Variants in PLCG2 observed in about 807,000 individuals in gnomAD.
The protein encoded by PLCG2 is phospholipase C gamma 2.
PLCG2 carries 69 observed loss-of-function variants against 175.6 expected under a neutral mutation model. The observed-to-expected ratio is 0.39, with a 90% CI of 0.32 to 0.48. PLCG2 has a LOEUF of 0.48. PLCG2 is among the 20% of genes least tolerant of loss of function. PLCG2 has a pLI of 0.91. For synonymous variants in PLCG2, 827 were observed against 624.0 expected, an observed-to-expected ratio of 1.33 and a Z score of -4.85; for missense variants, 1,798 against 1,650.9, an observed-to-expected ratio of 1.09 and a Z score of -1.54.
intron 6 of PLCG2, 58 bp downstream of exon 6, chr16:81,869,356 C>T (rs767271565): frequency 3.2e-6 from 4 of 1,255,678 alleles, no homozygotes; most frequent in Non-Finnish European, 4.7e-6. Context: ...TAGCCTCTCT[C>T]ATGAAGCCGT....
chr16:81,902,282 C>T (rs983127623), intron 14 of PLCG2, among the ~76,000 whole-genome samples: 1 of 152,186 alleles, frequency 6.6e-6, no homozygotes, highest in Non-Finnish European at 1.5e-5. Flanking sequence ...GTATTTCAGT[C>T]TGTTCCTGCA....
intron 13 of PLCG2, among the ~76,000 whole-genome samples, chr16:81,896,307 C>G (rs1247888735): frequency 6.6e-6 from 1 of 151,394 alleles, no homozygotes; most frequent in Non-Finnish European, 1.5e-5. Flanking sequence ...GGTGTGATCA[C>G]TGAGGTCAGG....
chr16:81,827,044 C>T (rs1178348009), intron 2 of PLCG2, among the ~76,000 whole-genome samples: 1 of 152,192 alleles, frequency 6.6e-6, no homozygotes, highest in Non-Finnish European at 1.5e-5. Context: ...TCATGTTTTG[C>T]AGATTCCTAA....
At chr16:81,770,370 CAAG>C (rs1567454716) in intron 2 of PLCG2, among the ~76,000 whole-genome samples, 1 of 152,162 alleles carries the variant, frequency 6.6e-6, no homozygotes. Context: ...AAAACAATGA[CAAG>C]AGAAAAGTCA....
chr16:81,869,759 C>A (rs905591283), intron 6 of PLCG2, among the ~76,000 whole-genome samples: 6 of 152,288 alleles, frequency 3.9e-5, no homozygotes, highest in Middle Eastern at 3.4e-3. Flanking sequence ...ACCATCCATC[C>A]TTCCATACAT....
chr16:81,839,615 C>T (rs927674662), intron 2 of PLCG2, among the ~76,000 whole-genome samples: 1 of 152,094 alleles, frequency 6.6e-6, no homozygotes, highest in Non-Finnish European at 1.5e-5. Context: ...AACTTGATTT[C>T]ATAGTTTAGA....
chr16:81,956,642 T>C, intron 31 of PLCG2, 53 bp from the exon 32 acceptor site: 1 of 1,506,170 alleles, frequency 6.6e-7, no homozygotes, highest in Non-Finnish European at 9.1e-7. Context: ...GTTCACATTT[T>C]GGTTTGGAAG....
intron 4 of PLCG2, among the ~76,000 whole-genome samples, chr16:81,858,851 C>G (rs940445399): frequency 1.1e-4 from 2 of 18,050 alleles, no homozygotes; most frequent in African/African-American, 5.1e-4. Flanking sequence ...ATTTTTCTTT[C>G]TAGCTTTTTG....
In PLCG2 at chr16:81,848,961, C is replaced by T. The variant is rs1317129896; in HGVS notation, c.194-5483C>T. On this transcript the variant is annotated intron_variant, in intron 2 of 32. Transcript: ENST00000564138. Reference sequence around the variant, plus strand: ...ACTGGAAGGGAGAGCTTGGCACTAACCAGACTAAGAACATTTTCAGTGGTG... The same window carrying T: ...ACTGGAAGGGAGAGCTTGGCACTAATCAGACTAAGAACATTTTCAGTGGTG... Among the ~76,000 whole-genome samples the T allele has an allele frequency of 2.0e-5, 3 of 152,182 alleles. 1 individual carries two copies. Among genetic ancestry groups the T allele is most frequent in the Non-Finnish European group, 2.9e-5 (2 of 68,038 alleles).
At chr16:81,743,975 C>A (rs1209916925) in intron 1 of PLCG2, among the ~76,000 whole-genome samples, 3 of 151,884 alleles carry the variant, frequency 2.0e-5, no homozygotes, top group African/African-American at 7.3e-5. Context: ...TCTCCTGCCT[C>A]GGCCTCCCAA....
chr16:81,877,836 C>G (rs1045521284), intron 7 of PLCG2, among the ~76,000 whole-genome samples: 1 of 151,872 alleles, frequency 6.6e-6, no homozygotes, highest in Non-Finnish European at 1.5e-5. Flanking sequence ...GTCATTGCAT[C>G]GCTCCTTGGC....
intron 2 of PLCG2, among the ~76,000 whole-genome samples, chr16:81,770,239 G>T (rs953429082): frequency 6.6e-6 from 1 of 151,822 alleles, no homozygotes; most frequent in South Asian, 2.1e-4. Flanking sequence ...CTCAGGACTC[G>T]CCTGGGTGCT....
In PLCG2 at chr16:81,961,970, C is replaced by T. The variant is rs181041643; in HGVS notation, c.*3972C>T. The T allele has an allele frequency of 1.1e-4, 21 of 197,368 alleles. No homozygotes were observed. Among genetic ancestry groups the T allele is most frequent in the African/African-American group, 4.2e-4 (18 of 43,324 alleles). The allele number at this position is 197,368 out of a possible 1,614,324, so 12.2% of individuals were successfully genotyped here. On this transcript the variant is annotated 3_prime_UTR_variant, in exon 33 of 33. Transcript: ENST00000564138. The stretch of plus-strand genomic sequence containing the variant: ...CTGCGACATCTGTCACCCCATTGAT[C>T]GCCAGGGTTGATTCGGCTGATCTGG...
intron 1 of PLCG2, among the ~76,000 whole-genome samples, chr16:81,749,829 C>T (rs1909771145): frequency 1.3e-5 from 2 of 152,196 alleles, no homozygotes; most frequent in African/African-American, 4.8e-5. Flanking sequence ...GATACATGTC[C>T]AAAGATGCAT....
chr16:81,887,065 G>A (rs919577870), intron 9 of PLCG2, among the ~76,000 whole-genome samples: 5 of 151,846 alleles, frequency 3.3e-5, no homozygotes, highest in South Asian at 2.1e-4. Context: ...TTTGTAGGGG[G>A]AAGGAAGGAG....
intron 31 of PLCG2, among the ~76,000 whole-genome samples, chr16:81,955,758 T>C (rs1393087262): frequency 6.6e-6 from 1 of 152,076 alleles, no homozygotes; most frequent in Non-Finnish European, 1.5e-5. Flanking sequence ...CACGGATGCG[T>C]CTAGTTGGCC....
intron 2 of PLCG2, among the ~76,000 whole-genome samples, chr16:81,837,098 T>C (rs6564925): frequency 0.04 from 6,095 of 152,276 alleles, 164 homozygotes; most frequent in African/African-American, 0.075. Context: ...TGTCTGTATT[T>C]TGAGAACCTT....
chr16:81,808,767 A>G (rs1203305838), intron 2 of PLCG2, among the ~76,000 whole-genome samples: 1 of 152,196 alleles, frequency 6.6e-6, no homozygotes, highest in Non-Finnish European at 1.5e-5. Context: ...TGCTGGGATT[A>G]CAGGCGTGAG....
intron 1 of PLCG2, among the ~76,000 whole-genome samples, chr16:81,745,352 A>C (rs535461931): frequency 1.2e-4 from 19 of 152,286 alleles, no homozygotes; most frequent in South Asian, 1.2e-3. Flanking sequence ...GTAAGTTGCA[A>C]TATCCCTTAG....
Sources: allele counts gnomAD v4.1 joint callset (sites outside exome capture counted in the v4.1 genomes callset), GRCh38; gene constraint gnomAD v4.1.1; transcripts MANE v1.5; gene names NCBI Gene and HGNC (gene_info 2026-07-23, HGNC 2026-07-21).